Variants in DNAH6 observed in about 807,000 individuals in gnomAD.
DNAH6 encodes the protein dynein axonemal heavy chain 6.
Under a neutral mutation model 491.4 loss-of-function variants are expected in DNAH6, and 340 were observed. The ratio of observed to expected loss-of-function variants is 0.69; its 90% CI spans 0.63 to 0.76. The LOEUF (loss-of-function observed/expected upper bound fraction) is 0.76. Ranked by LOEUF, DNAH6 falls within the 30% of genes least tolerant of loss-of-function variation. The pLI is 0.00. For missense variants in DNAH6, 4,443 were observed against 4,972.2 expected, an observed-to-expected ratio of 0.89 and a Z score of 3.20; for synonymous variants, 1,603 against 1,686.1, an observed-to-expected ratio of 0.95 and a Z score of 1.21.
rs776690526 is a variant in DNAH6 at position 84,812,935 on chromosome 2, G to A, written c.11926-123G>A. The A allele has an allele frequency of 5.4e-6, 4 of 741,452 alleles. No individual in the cohort carries two copies. The Admixed American group carries it at 7.0e-5, about 13-fold the overall frequency. 45.9% of individuals were successfully genotyped at this position (741,452 alleles called of 1,614,324 possible). A position where few individuals can be genotyped will look rare whatever the true frequency, so the allele number is the denominator to read the frequency against. On this transcript the variant is annotated intron_variant, in intron 73 of 76. Transcript: ENST00000389394. ...TGCGGCAGGCAGTGAAATGGGGGTG[G>A]TGACTAACTCAGGGCTGCTTTAGAT...
chr2:84,777,538 A>C (rs1209369019), intron 64 of DNAH6: 1 of 757,912 alleles, frequency 1.3e-6, no homozygotes, highest in African/African-American at 1.7e-5. Flanking sequence ...CCTCATAAGC[A>C]CTCTCAACCA....
intron 68 of DNAH6, 120 bp downstream of exon 68, chr2:84,787,422 A>T (rs145445832): frequency 0.031 from 21,865 of 710,414 alleles, 486 homozygotes; most frequent in South Asian, 0.058. Context: ...TGATGATGAT[A>T]TTTTATGTTC....
At chr2:84,545,362 C>T (rs536183010) in intron 5 of DNAH6, among the ~76,000 whole-genome samples, 135 of 152,216 alleles carry the variant, frequency 8.9e-4, no homozygotes, top group African/African-American at 3.2e-3. Flanking sequence ...AAAAATATTC[C>T]AGTCCTTCTT....
chr2:84,580,889 C>T (rs1176462049), intron 14 of DNAH6, among the ~76,000 whole-genome samples: 1 of 152,100 alleles, frequency 6.6e-6, no homozygotes, highest in Non-Finnish European at 1.5e-5. Context: ...CAGAATGGGA[C>T]AGCTGTAGGA....
chr2:84,681,462 C>A lies in DNAH6; in HGVS notation c.6850C>A (p.Leu2284Ile). Residue 2284 changes from leucine to isoleucine, a missense_variant, in exon 42 of 77, where the codon CTC becomes ATC. Leu to Ile is a conservative substitution (Grantham distance 5). Coordinates refer to ENST00000389394, the MANE Select transcript of DNAH6 (RefSeq NM_001370.2). ...VEIYNKMSVDLLPTPAKSHYV... is the reference protein window; with the variant it reads ...VEIYNKMSVDILPTPAKSHYV... ...GATTTATAACAAAATGAGTGTTGAC[C>A]TCCTGCCAACACCCGCCAAGTCCCA... is the stretch of plus-strand genomic sequence containing the variant. The A allele has an allele frequency of 6.4e-7, 1 of 1,551,312 alleles. No individual in the cohort carries two copies. The highest frequency in any genetic ancestry group is 8.7e-7 in the Non-Finnish European group (1 of 1,146,808).
chr2:84,675,449 A>G (rs971591943), intron 40 of DNAH6, among the ~76,000 whole-genome samples: 33 of 152,086 alleles, frequency 2.2e-4, no homozygotes, highest in African/African-American at 8.0e-4. Context: ...GAATTGGCAC[A>G]CACTCTTCCC....
chr2:84,708,115 G>C (rs767832042), intron 54 of DNAH6, among the ~76,000 whole-genome samples: 8 of 152,158 alleles, frequency 5.3e-5, no homozygotes, highest in Non-Finnish European at 1.2e-4. Context: ...GGAGGAATCT[G>C]TGCTTCCTTA....
chr2:84,646,641 T>C (rs1052999577), intron 33 of DNAH6, among the ~76,000 whole-genome samples: 2 of 152,194 alleles, frequency 1.3e-5, no homozygotes, highest in Non-Finnish European at 2.9e-5. Flanking sequence ...GGATAAAAGA[T>C]TAAACCAGCC....
intron 21 of DNAH6, among the ~76,000 whole-genome samples, chr2:84,608,410 A>G (rs2169227): frequency 0.81 from 122,727 of 152,184 alleles, 52,186 homozygotes; most frequent in East Asian, 0.99. Context: ...TTCTTAAATA[A>G]TAAGACTTTC....
At chr2:84,567,449 A>C (rs1318378016) in intron 11 of DNAH6, among the ~76,000 whole-genome samples, 1 of 152,174 alleles carries the variant, frequency 6.6e-6, no homozygotes, top group African/African-American at 2.4e-5. Context: ...CTGGTACAAA[A>C]ACAGACATGT....
chr2:84,548,500 A>G (rs559262254), intron 8 of DNAH6, 83 bp downstream of exon 8: 154 of 1,511,238 alleles, frequency 1.0e-4, no homozygotes, highest in Non-Finnish European at 1.3e-4. Flanking sequence ...AGTGATGACT[A>G]TGTTAATTTG....
At chr2:84,815,809 C>T (rs1163173771) in intron 75 of DNAH6, 52 bp from the exon 76 acceptor site, 4 of 1,372,148 alleles carry the variant, frequency 2.9e-6, no homozygotes, top group Non-Finnish European at 4.0e-6. Flanking sequence ...TGGCTCACAC[C>T]TGCTGATCCC....
At chr2:84,663,240 G>A (rs1471139505) in intron 37 of DNAH6, among the ~76,000 whole-genome samples, 1 of 152,208 alleles carries the variant, frequency 6.6e-6, no homozygotes, top group African/African-American at 2.4e-5. Flanking sequence ...GATGGAGAAT[G>A]ACTTTGACGA....
chr2:84,736,529 G>A (rs952160572), intron 62 of DNAH6, among the ~76,000 whole-genome samples: 1 of 151,952 alleles, frequency 6.6e-6, no homozygotes, highest in Non-Finnish European at 1.5e-5. Context: ...GCAATGTTTT[G>A]TAGTTACTCT....
intron 3 of DNAH6, among the ~76,000 whole-genome samples, chr2:84,527,551 G>C (rs1036216326): frequency 2.0e-5 from 3 of 152,132 alleles, no homozygotes; most frequent in Admixed American, 1.3e-4. Context: ...AAATACTAAA[G>C]TGGACTAGCC....
In DNAH6 at chr2:84,522,995, A is replaced by T. The variant is rs1676288911; in HGVS notation, c.226-2570A>T. Among the ~76,000 whole-genome samples the T allele has an allele frequency of 2.0e-5, 3 of 152,122 alleles. No homozygotes were observed. In the South Asian group the frequency reaches 6.2e-4, roughly 32 times the overall value. On this transcript the variant is annotated intron_variant, in intron 2 of 76. Transcript: ENST00000389394. The stretch of plus-strand genomic sequence containing the variant: ...GCTGGCCTCATAAAATGAGTTAGGG[A>T]AGAGTCCCCCTTCCTCATTTTTTTT...
intron 70 of DNAH6, among the ~76,000 whole-genome samples, chr2:84,804,842 G>A (rs1350650468): frequency 1.3e-5 from 2 of 151,986 alleles, no homozygotes; most frequent in Non-Finnish European, 2.9e-5. Flanking sequence ...TTGAAATAGG[G>A]CCTCCCTCTG....
chr2:84,657,045 A>G (rs1691044652), intron 35 of DNAH6, among the ~76,000 whole-genome samples: 1 of 151,972 alleles, frequency 6.6e-6, no homozygotes, highest in Non-Finnish European at 1.5e-5. Flanking sequence ...GTTTTTTTGC[A>G]TGTGTATATC....
At chr2:84,594,469 C>G (rs1684395232) in intron 17 of DNAH6, among the ~76,000 whole-genome samples, 1 of 152,110 alleles carries the variant, frequency 6.6e-6, no homozygotes, top group Admixed American at 6.5e-5. Context: ...AAAAGGAAGC[C>G]ATTTTGTTCA....
Sources: gnomAD v4.1 joint callset for allele counts (sites outside exome capture counted in the v4.1 genomes callset) on GRCh38, gnomAD v4.1.1 for gene constraint, MANE v1.5 for transcripts, NCBI Gene and HGNC (gene_info 2026-07-23, HGNC 2026-07-21) for gene names.